The following CCDC3 variants were observed in gnomAD, a reference collection of about 807,000 sequenced individuals.
The protein encoded by CCDC3 is coiled-coil domain-containing protein 3.
Under a neutral mutation model 21.4 loss-of-function variants are expected in CCDC3, and 24 were observed. That is an observed-to-expected ratio of 1.12 (90% confidence interval 0.81 to 1.58). The LOEUF (loss-of-function observed/expected upper bound fraction) is 1.58, where lower values mean the gene tolerates loss of function less well. Ranked by LOEUF, CCDC3 falls within the 40% of genes most tolerant of loss-of-function variation. The pLI is 0.00. For synonymous variants in CCDC3, 186 were observed against 166.0 expected, an observed-to-expected ratio of 1.12 and a Z score of -0.93; for missense variants, 425 against 360.9, an observed-to-expected ratio of 1.18 and a Z score of -1.44.
chr10:12,976,441 G>A (rs766466439), intron 2 of CCDC3, among the ~76,000 whole-genome samples: 6 of 152,146 alleles, frequency 3.9e-5, no homozygotes, highest in Non-Finnish European at 8.8e-5. Context: ...TATTGGGGGT[G>A]GGGGCAGAGG....
chr10:13,017,828 T>TAAGG (rs895163362), intron 5 of CCDC3, among the ~76,000 whole-genome samples: 1 of 152,088 alleles, frequency 6.6e-6, no homozygotes, highest in Non-Finnish European at 1.5e-5. Flanking sequence ...GTGTGACTGA[T>TAAGG]AAGGAAGGAA....
At chr10:13,075,636 A>G (rs1185055803) in intron 3 of CCDC3, among the ~76,000 whole-genome samples, 1 of 152,224 alleles carries the variant, frequency 6.6e-6, no homozygotes, top group Non-Finnish European at 1.5e-5. Context: ...AAGACTTTGC[A>G]TTATAGATTC....
chr10:13,098,134 C>A (rs1217277095), intron 3 of CCDC3, among the ~76,000 whole-genome samples: 2 of 151,914 alleles, frequency 1.3e-5, no homozygotes, highest in Non-Finnish European at 2.9e-5. Flanking sequence ...GCACCCCCCA[C>A]CCCGACCCCA....
intron 5 of CCDC3, among the ~76,000 whole-genome samples, chr10:13,041,012 AT>A (rs1485362541): frequency 6.6e-6 from 1 of 152,180 alleles, no homozygotes; most frequent in East Asian, 1.9e-4. Context: ...TCAGCCTCAA[AT>A]GATTATACCT....
chr10:13,024,569 C>A (rs1836191391), intron 5 of CCDC3, among the ~76,000 whole-genome samples: 1 of 152,142 alleles, frequency 6.6e-6, no homozygotes, highest in Admixed American at 6.5e-5. Context: ...TTTGAAAATT[C>A]TTTCTTGGAA....
intron 2 of CCDC3, among the ~76,000 whole-genome samples, chr10:12,970,902 AAT>A (rs1404479363): frequency 6.6e-6 from 1 of 152,032 alleles, no homozygotes; most frequent in Non-Finnish European, 1.5e-5. Context: ...AAAAAAAAAA[AAT>A]TGTCAGTCTG....
At chr10:13,036,919 A>G (rs1022010904) in intron 5 of CCDC3, among the ~76,000 whole-genome samples, 4 of 151,954 alleles carry the variant, frequency 2.6e-5, no homozygotes, top group South Asian at 2.1e-4. Flanking sequence ...AGCTAGGACT[A>G]CAGGCATGCA....
intron 3 of CCDC3, among the ~76,000 whole-genome samples, chr10:13,094,279 GA>G (rs1832608013): frequency 6.6e-6 from 1 of 151,462 alleles, no homozygotes; most frequent in African/African-American, 2.4e-5. Flanking sequence ...TGATGATGAT[GA>G]TGATGATGAT....
At chr10:13,079,282 C>T (rs1017681980) in intron 3 of CCDC3, among the ~76,000 whole-genome samples, 24 of 125,228 alleles carry the variant, frequency 1.9e-4, no homozygotes, top group African/African-American at 7.1e-4. Context: ...GCGTTGTGGC[C>T]TTAGGGGTAA....
chr10:13,027,190 GGTGAGGGTCA>G (rs1836234377), intron 5 of CCDC3, among the ~76,000 whole-genome samples: 1 of 152,164 alleles, frequency 6.6e-6, no homozygotes, highest in Non-Finnish European at 1.5e-5. Flanking sequence ...GGTGAGCTTA[GGTGAGGGTCA>G]GTGTGTAGGT....
At chr10:12,949,354 T>C (rs1367608721) in intron 2 of CCDC3, among the ~76,000 whole-genome samples, 1 of 152,200 alleles carries the variant, frequency 6.6e-6, no homozygotes, top group Non-Finnish European at 1.5e-5. Flanking sequence ...GGAAAAAGCA[T>C]GTCCTTCTCT....
chr10:12,959,293 G>A (rs943850031), intron 2 of CCDC3, among the ~76,000 whole-genome samples: 1 of 151,626 alleles, frequency 6.6e-6, no homozygotes, highest in Non-Finnish European at 1.5e-5. Flanking sequence ...TCAGCCTCCC[G>A]ACTAGCTGGG....
chr10:12,979,096 C>T (rs541391216), intron 2 of CCDC3, among the ~76,000 whole-genome samples: 7 of 152,248 alleles, frequency 4.6e-5, no homozygotes, highest in South Asian at 2.1e-4. Context: ...GGAAATTCCT[C>T]GTGAGCCCCT....
intron 2 of CCDC3, among the ~76,000 whole-genome samples, chr10:12,909,943 G>C (rs989687094): frequency 6.6e-6 from 1 of 152,214 alleles, no homozygotes; most frequent in African/African-American, 2.4e-5. Flanking sequence ...TGGGGTGTGT[G>C]CCTGTATCCT....
At chr10:12,988,987 A>T (rs1835640648) in intron 2 of CCDC3, among the ~76,000 whole-genome samples, 2 of 152,198 alleles carry the variant, frequency 1.3e-5, no homozygotes, top group South Asian at 4.1e-4. Context: ...GCACGATTAT[A>T]AATAGCTCAA....
intron 3 of CCDC3, among the ~76,000 whole-genome samples, chr10:13,084,958 T>C (rs1341153613): frequency 6.6e-6 from 1 of 152,138 alleles, no homozygotes; most frequent in Non-Finnish European, 1.5e-5. Flanking sequence ...CCTTTGTCAG[T>C]CACATACAAA....
intron 4 of CCDC3, among the ~76,000 whole-genome samples, chr10:13,065,946 G>A (rs1419643577): frequency 6.6e-6 from 1 of 152,194 alleles, no homozygotes; most frequent in Non-Finnish European, 1.5e-5. Flanking sequence ...AAGAATGAGT[G>A]AACGAATGAG....
At chr10:12,957,916 G>A (rs184151575) in intron 2 of CCDC3, among the ~76,000 whole-genome samples, 4 of 152,082 alleles carry the variant, frequency 2.6e-5, no homozygotes, top group South Asian at 2.1e-4. Context: ...CGTGATCTTG[G>A]CCTCCTGGGT....
At chr10:12,995,007 C>T (rs939765957) in intron 2 of CCDC3, among the ~76,000 whole-genome samples, 3 of 150,974 alleles carry the variant, frequency 2.0e-5, no homozygotes, top group Non-Finnish European at 2.9e-5. Flanking sequence ...CTTGAACCCT[C>T]GGAAGTGGGG....
Sources: allele counts gnomAD v4.1 joint callset (sites outside exome capture counted in the v4.1 genomes callset), GRCh38; gene constraint gnomAD v4.1.1; transcripts MANE v1.5; gene names NCBI Gene and HGNC (gene_info 2026-07-23, HGNC 2026-07-21).